The following GJB4 variants were observed in gnomAD, a reference collection of about 807,000 sequenced individuals.
GJB4 encodes gap junction beta-4 protein.
For synonymous variants in GJB4, 162 were observed against 158.1 expected (o/e 1.02, Z -0.18); for missense variants, 371 against 363.8 (o/e 1.02, Z -0.16).
intron 1 of GJB4, among the ~76,000 whole-genome samples, chr1:34,760,705 G>A (rs1639693744): frequency 1.3e-5 from 2 of 152,200 alleles, no homozygotes; most frequent in South Asian, 4.1e-4. Flanking sequence ...ACGGGGCCAG[G>A]CTCTTGTTGG....
chr1:34,760,985 C>A lies in GJB4; in HGVS notation c.-270C>A. 1.8e-6 allele frequency: 1 copy of A among 549,732 alleles called. No homozygotes were observed. 34.1% of individuals were successfully genotyped at this position (549,732 alleles called of 1,614,324 possible). ...TGAAGACCAAAGTGCAAGATTAGCT[C>A]TGCTACTTCCATCTGTGGACCATTG... On this transcript the variant is annotated 5_prime_UTR_variant, in exon 2 of 2. The change creates a new upstream start codon in the 5' untranslated region. Transcript: ENST00000339480.
Position 34,761,848 on chromosome 1 carries a change from C to A in GJB4, c.594C>A (p.Ile198=). ...YFMVTTAAIC[I]LLNLSEVFYL... is the part of the protein sequence containing the mutation. ...TGGTGACCACAGCTGCCATCTGCAT[C>A]CTGCTCAACCTCAGTGAAGTCTTCT... is the stretch of plus-strand genomic sequence containing the variant. Residue 198 remains isoleucine, a synonymous_variant, in exon 2 of 2, where the codon ATC becomes ATA. Coordinates refer to ENST00000339480, the MANE Select transcript of GJB4 (RefSeq NM_153212.3). This position sits in a 1 kb window ranked among gnomAD's most constrained non-coding sequence, Gnocchi z 4.4. 1 of 1,614,196 alleles carries A rather than the reference C, an allele frequency of 6.2e-7. No individual in the cohort carries two copies. Among genetic ancestry groups the A allele is most frequent in the East Asian group, 2.2e-5 (1 of 44,880 alleles).
chr1:34,760,033 T>G (rs143435726), intron 1 of GJB4, among the ~76,000 whole-genome samples: 3 of 152,270 alleles, frequency 2.0e-5, no homozygotes, highest in African/African-American at 7.2e-5. Flanking sequence ...TTAACAAACA[T>G]CTATTGTGTG....
At chr1:34,760,582 G>C (rs1386006785) in intron 1 of GJB4, among the ~76,000 whole-genome samples, 1 of 152,190 alleles carries the variant, frequency 6.6e-6, no homozygotes, top group Non-Finnish European at 1.5e-5. Context: ...AAGCACCTCT[G>C]TTTAGTTTGG....
Sources: gnomAD v4.1 joint callset for allele counts (sites outside exome capture counted in the v4.1 genomes callset) on GRCh38, gnomAD v4.1.1 for gene constraint, Gnocchi (gnomAD v3.1) non-coding constraint, MANE v1.5 for transcripts, NCBI Gene and HGNC (gene_info 2026-07-23, HGNC 2026-07-21) for gene names.